The following TNS1 variants were observed in gnomAD, a reference collection of about 807,000 sequenced individuals.
TNS1 encodes tensin 1.
A neutral mutation model predicts 168.6 loss-of-function variants in TNS1; 62 were observed. That is an observed-to-expected ratio of 0.37 (90% CI 0.30 to 0.45). The LOEUF is 0.45. Ranked by LOEUF, TNS1 falls within the 20% of genes least tolerant of loss-of-function variation. The pLI, the probability that TNS1 is intolerant of heterozygous loss-of-function variation, is 1.00. For synonymous variants in TNS1, 934 were observed against 933.2 expected, an observed-to-expected ratio of 1.00 and a Z score of -0.02; for missense variants, 2,240 against 2,339.4, an observed-to-expected ratio of 0.96 and a Z score of 0.88.
chr2:217,853,832 C>T (rs1010754944), intron 18 of TNS1, among the ~76,000 whole-genome samples: 3 of 152,218 alleles, frequency 2.0e-5, no homozygotes, highest in Non-Finnish European at 4.4e-5. Context: ...ACCCACTCCC[C>T]GGGGCTCCCT....
At chr2:217,879,055 C>A (rs1950449188) in intron 18 of TNS1, among the ~76,000 whole-genome samples, 1 of 152,168 alleles carries the variant, frequency 6.6e-6, no homozygotes, top group Admixed American at 6.5e-5. Context: ...TGGCCCTCTG[C>A]CGAGAGGGGG....
At chr2:217,933,793 C>G (rs751658789) in intron 3 of TNS1, among the ~76,000 whole-genome samples, 4 of 152,092 alleles carry the variant, frequency 2.6e-5, no homozygotes. Flanking sequence ...ATAAGGCACA[C>G]GGGCAGAAGC....
chr2:217,901,678 A>G (rs1224414744), intron 6 of TNS1: 1 of 152,216 alleles, frequency 6.6e-6, no homozygotes, highest in African/African-American at 2.4e-5. Context: ...ATCTGCCAAG[A>G]AAGGAAGAAA....
intron 18 of TNS1, chr2:217,850,619 A>ACG (rs1559236712): frequency 1.1e-6 from 1 of 947,958 alleles, no homozygotes; most frequent in African/African-American, 2.1e-5. Context: ...ACACACACAC[A>ACG]CACACGCACG....
chr2:217,853,488 G>A (rs1200277853), intron 18 of TNS1, among the ~76,000 whole-genome samples: 1 of 152,138 alleles, frequency 6.6e-6, no homozygotes, highest in Non-Finnish European at 1.5e-5. Flanking sequence ...GGGATAAACT[G>A]AAGCAGAAAC....
At chr2:217,842,454 T>C (rs543307375) in intron 19 of TNS1, among the ~76,000 whole-genome samples, 70 of 152,320 alleles carry the variant, frequency 4.6e-4, no homozygotes, top group Non-Finnish European at 7.8e-4. Flanking sequence ...CTGACTTTTC[T>C]CTTTCTCTCT....
At chr2:217,890,448 C>A (rs1951627525) in intron 12 of TNS1, 1 of 153,642 alleles carries the variant, frequency 6.5e-6, no homozygotes, top group South Asian at 2.1e-4. Context: ...TGAATAAATC[C>A]ATCCCTGCCC....
intron 3 of TNS1, among the ~76,000 whole-genome samples, chr2:217,940,116 G>A (rs945962786): frequency 1.3e-5 from 2 of 152,124 alleles, no homozygotes; most frequent in African/African-American, 4.8e-5. Flanking sequence ...CCACACCTCT[G>A]CATGCCTAAC....
At chr2:217,954,809 CCCCTGTGGGCTT>C (rs1957321365) in intron 3 of TNS1, among the ~76,000 whole-genome samples, 1 of 152,196 alleles carries the variant, frequency 6.6e-6, no homozygotes, top group Non-Finnish European at 1.5e-5. Context: ...TTCCCCAGGC[CCCCTGTGGGCTT>C]CCTGCACACA....
chr2:217,990,626 T>C (rs1383142681), intron 2 of TNS1, among the ~76,000 whole-genome samples: 5 of 152,138 alleles, frequency 3.3e-5, no homozygotes, highest in Admixed American at 3.3e-4. Flanking sequence ...TAATCATGCA[T>C]CTTCCACATG....
At chr2:218,009,792 A>G (rs1307802565) in intron 1 of TNS1, among the ~76,000 whole-genome samples, 1 of 151,960 alleles carries the variant, frequency 6.6e-6, no homozygotes, top group Non-Finnish European at 1.5e-5. Flanking sequence ...GTATCCCCAA[A>G]TCCGCCGCCC....
intron 18 of TNS1, among the ~76,000 whole-genome samples, chr2:217,862,274 G>GA (rs1948851557): frequency 2.8e-4 from 42 of 151,284 alleles, no homozygotes; most frequent in African/African-American, 9.0e-4. Flanking sequence ...TCTATTTGGG[G>GA]GAAAAAAAAA....
intron 8 of TNS1, among the ~76,000 whole-genome samples, chr2:217,896,480 G>T (rs1019488875): frequency 6.6e-6 from 1 of 152,212 alleles, no homozygotes; most frequent in African/African-American, 2.4e-5. Flanking sequence ...TGGAGATGGA[G>T]GTAGAGATTG....
chr2:217,980,488 C>T (rs7570913), intron 2 of TNS1, among the ~76,000 whole-genome samples: 1 of 146,168 alleles, frequency 6.8e-6, no homozygotes, highest in African/African-American at 2.6e-5. Context: ...CTGCCTCTCT[C>T]TCTCTCCTAC....
rs912822960 is a variant in TNS1 at position 217,802,103 on chromosome 2, G to A, written c.*2356C>T. 1.3e-5 allele frequency: 2 copies of A among 152,206 alleles called. No individual in the cohort carries two copies. The highest frequency in any genetic ancestry group is 2.9e-5 in the Non-Finnish European group (2 of 68,044). The allele number at this position is 152,206 out of a possible 1,614,324, so 9.4% of individuals were successfully genotyped here. On this transcript the variant is annotated 3_prime_UTR_variant, in exon 33 of 33. Transcript: ENST00000682258. ...ACATCCATGCCAGGAATAGGCTCCT[G>A]GGCTCTCCAGTGGGAGATGAGATAT...
intron 3 of TNS1, among the ~76,000 whole-genome samples, chr2:217,960,426 T>C (rs1430740538): frequency 6.6e-6 from 1 of 152,138 alleles, no homozygotes; most frequent in Non-Finnish European, 1.5e-5. Context: ...GGACTCAGTC[T>C]CAGCCTCTTG....
chr2:217,914,424 A>G (rs1954771072), intron 4 of TNS1, among the ~76,000 whole-genome samples: 1 of 152,222 alleles, frequency 6.6e-6, no homozygotes, highest in Admixed American at 6.5e-5. Context: ...ACTTCTACCC[A>G]GGCAGCTCCC....
rs925368406 is a variant in TNS1, at chr2:217,812,356, T to G, written c.5032+12A>C. 4 of 1,612,766 alleles carry G rather than the reference T, an allele frequency of 2.5e-6. No individual in the cohort carries two copies. The African/African-American group carries it at 4.0e-5, about 16-fold the overall frequency. ...GGGTGTGGGTGGTGAGCCAGGAGTC[T>G]CACGTTCCTACCTCGGTTTGGAATG... is the stretch of plus-strand genomic sequence containing the variant. On this transcript the variant is annotated intron_variant, in intron 28 of 32. Transcript: ENST00000682258.
rs1368128641 is a variant in TNS1, at chr2:217,803,334, T to C, written c.*1125A>G. 6.6e-6 allele frequency: 1 copy of C among 152,304 alleles called. No individual in the cohort carries two copies. The highest frequency in any genetic ancestry group is 2.4e-5 in the African/African-American group (1 of 41,414). 9.4% of individuals were successfully genotyped at this position (152,304 alleles called of 1,614,324 possible). A position where few individuals can be genotyped will look rare whatever the true frequency, so the allele number is the denominator to read the frequency against. On this transcript the variant is annotated 3_prime_UTR_variant, in exon 33 of 33. Transcript: ENST00000682258. ...TCAATCCCCAGCCCCCAAAAAGGCA[T>C]CATGCAGGTAAGCAGGTCTGAGATA...
Sources: allele counts gnomAD v4.1 joint callset (sites outside exome capture counted in the v4.1 genomes callset), GRCh38; gene constraint gnomAD v4.1.1; transcripts MANE v1.5; gene names NCBI Gene and HGNC (gene_info 2026-07-23, HGNC 2026-07-21).